Variants in TIMELESS observed in about 807,000 individuals in gnomAD.
The protein encoded by TIMELESS is timeless circadian regulator, also known as protein timeless homolog.
A neutral mutation model predicts 164.3 loss-of-function variants in TIMELESS; 124 were observed. The observed-to-expected ratio is 0.75, with a 90% CI of 0.65 to 0.88. TIMELESS has a LOEUF of 0.88. Among genes scored for constraint, TIMELESS ranks in the 40% least tolerant of loss-of-function variants. The pLI is 0.00. For synonymous variants in TIMELESS, 564 were observed against 563.4 expected (o/e 1.00, Z -0.02); for missense variants, 1,422 against 1,491.4 (o/e 0.95, Z 0.77).
rs1203173297 is a variant in TIMELESS at position 56,430,278 on chromosome 12, G to A, written c.913C>T (p.Arg305Ter). 3.1e-6 allele frequency: 5 copies of A among 1,611,888 alleles called. No homozygotes were observed. Among genetic ancestry groups the A allele is most frequent in the Non-Finnish European group, 3.4e-6 (4 of 1,178,974 alleles). The change falls in exon 10 of 29, where the codon CGA becomes TGA. Residue 305 changes from arginine to a stop codon, truncating the protein, a stop_gained. Transcript: ENST00000553532. LOFTEE classifies it high-confidence loss of function. ...LIFHKGLHNL[R>*]NYSSDLGKQP... ...TTTCCCAAATCTGAACTGTAGTTTC[G>A]TAGCTGGGTGTGTCGGTTGGGGGAT...
At chr12:56,426,385 C>CT (rs35546587) in intron 13 of TIMELESS, among the ~76,000 whole-genome samples, 66,963 of 137,104 alleles carry the variant, frequency 0.49, 16,447 homozygotes, top group Non-Finnish European at 0.55. Context: ...GGTACAAAAT[C>CT]TTTTTTTTTT....
Position 56,422,871 on chromosome 12 carries a change from T to G in TIMELESS, c.2414A>C (p.Glu805Ala). The change falls in exon 19 of 29, where the codon GAG (glutamate) becomes GCG (alanine). Residue 805 changes from glutamate to alanine, a missense_variant. Coordinates refer to ENST00000553532, the MANE Select transcript of TIMELESS (RefSeq NM_003920.5). ...CCTGTCATCCAGGGAGCCATAGCCC[T>G]CAGTCATCTCTCGAACCACAGCTGT... Reference protein sequence around the residue: ...KNTAVVREMTEGYGSLDDRSS... With the variant: ...KNTAVVREMTAGYGSLDDRSS... The G allele has an allele frequency of 7.2e-7, 1 of 1,392,044 alleles. No individual in the cohort carries two copies. Among genetic ancestry groups the G allele is most frequent in the Non-Finnish European group, 9.6e-7 (1 of 1,040,360 alleles). The allele number at this position is 1,392,044 out of a possible 1,614,324, so 86.2% of individuals were successfully genotyped here. A position where few individuals can be genotyped will look rare whatever the true frequency, so the allele number is the denominator to read the frequency against.
intron 2 of TIMELESS, 60 bp downstream of exon 2, chr12:56,434,013 AT>A: frequency 1.2e-6 from 2 of 1,611,194 alleles, no homozygotes; most frequent in Non-Finnish European, 8.5e-7. Context: ...GGTTTGAGGA[AT>A]TCAACAGACC....
intron 1 of TIMELESS, among the ~76,000 whole-genome samples, chr12:56,447,191 T>A (rs78549728): frequency 6.9e-6 from 1 of 143,902 alleles, no homozygotes; most frequent in East Asian, 2.0e-4. Flanking sequence ...TGTTTTTTTT[T>A]TTTTTTTTTT....
In TIMELESS at chr12:56,428,948, C is replaced by G. The variant is rs769162370; in HGVS notation, c.1239G>C (p.Gln413His). 1 of 1,613,978 alleles carries G rather than the reference C, an allele frequency of 6.2e-7. No individual in the cohort carries two copies. Among genetic ancestry groups the G allele is most frequent in the African/African-American group, 1.3e-5 (1 of 74,914 alleles). Residue 413 changes from glutamine (Q) to histidine (H), a missense_variant, in exon 11 of 29, where the codon CAG becomes CAC. Physicochemically the swap from Gln to His is conservative, Grantham distance 24 (BLOSUM62 0). Coordinates refer to ENST00000553532, the MANE Select transcript of TIMELESS (RefSeq NM_003920.5). ...TCATCTCATAGTAGTTGGTGAGGTT[C>G]TGCTCAATGAAGTGGAAGGTACGGA... ...LSVRTFHFIE[Q>H]NLTNYYEMML...
chr12:56,432,974 A>AAAG lies in TIMELESS; in HGVS notation c.531+51_531+52insCTT, dbSNP rs142212258. On this transcript the variant is annotated intron_variant, in intron 6 of 28. Transcript: ENST00000553532. ...GTCTCAAAAAAAAAAAAAAAAAAAA[A>AAAG]GGCAGCTCAACCTAACCATGCACAA... 8.6e-3 allele frequency: 8,075 copies of AAAG among 939,400 alleles called. 84 individuals are homozygous for AAAG. Among genetic ancestry groups the AAAG allele is most frequent in the Middle Eastern group, 0.011 (46 of 4,290 alleles). 58.2% of individuals were successfully genotyped at this position (939,400 alleles called of 1,614,324 possible). A position where few individuals can be genotyped will look rare whatever the true frequency, so the allele number is the denominator to read the frequency against.
Position 56,434,244 on chromosome 12 carries a change from A to G in TIMELESS, c.-61-13T>C. 2.4e-6 allele frequency: 3 copies of G among 1,242,594 alleles called. No individual in the cohort carries two copies. The highest frequency in any genetic ancestry group is 3.5e-5 in the Admixed American group (2 of 56,436). The allele number at this position is 1,242,594 out of a possible 1,614,324, so 77.0% of individuals were successfully genotyped here. On this transcript the variant is annotated splice_polypyrimidine_tract_variant and intron_variant, in intron 1 of 28. Transcript: ENST00000553532. ...GAAATGATGAGGCCTGGAGAAATAG[A>G]GAAAGATAAAAAATGTAAGTTCCTC...
intron 1 of TIMELESS, among the ~76,000 whole-genome samples, chr12:56,444,615 C>T (rs900526782): frequency 2.6e-5 from 4 of 151,448 alleles, no homozygotes; most frequent in Non-Finnish European, 5.9e-5. Flanking sequence ...GGTGCGATCT[C>T]GGCTCACTGC....
chr12:56,447,350 ACGT>A (rs1868374210), intron 1 of TIMELESS, among the ~76,000 whole-genome samples: 1 of 151,974 alleles, frequency 6.6e-6, no homozygotes, highest in Admixed American at 6.6e-5. Flanking sequence ...CTGCACGAAA[ACGT>A]AAACTCTTTC....
At chr12:56,438,517 A>T (rs1277505400) in intron 1 of TIMELESS, among the ~76,000 whole-genome samples, 1 of 151,048 alleles carries the variant, frequency 6.6e-6, no homozygotes, top group African/African-American at 2.4e-5. Context: ...CACGCCTGAA[A>T]TCCCAGTACT....
rs201617495 is a variant in TIMELESS, at chr12:56,432,574, C to T, written c.532-50G>A. 6.9e-6 allele frequency: 11 copies of T among 1,591,576 alleles called. No homozygotes were observed. The Admixed American group carries it at 1.2e-4, about 17-fold the overall frequency. ...AAAGGAAGCTCATTCAATCCCACTG[C>T]CCTGCCTTGAAGCTCTCCAACTCAT... On this transcript the variant is annotated intron_variant, in intron 6 of 28. Transcript: ENST00000553532.
At chr12:56,429,905 T>A (rs528170834) in intron 10 of TIMELESS, among the ~76,000 whole-genome samples, 200 bp downstream of exon 10, 1 of 152,092 alleles carries the variant, frequency 6.6e-6, no homozygotes, top group East Asian at 1.9e-4. Flanking sequence ...AGAGCCTCTT[T>A]TGTCATGCCA....
chr12:56,430,010 C>T, intron 10 of TIMELESS, 95 bp downstream of exon 10: 1 of 1,284,028 alleles, frequency 7.8e-7, no homozygotes, highest in Non-Finnish European at 1.1e-6. Context: ...GGGGCAGCCT[C>T]CCCGAGCTCC....
intron 1 of TIMELESS, among the ~76,000 whole-genome samples, chr12:56,447,182 GTTTTTTTTTTTTTTT>G (rs144004569): frequency 9.7e-4 from 87 of 89,276 alleles, no homozygotes; most frequent in African/African-American, 2.8e-3. Context: ...GCTAATTTTT[GTTTTTTTTTTTTTTT>G]TTTTTTTTTT....
chr12:56,438,466 A>T (rs1040478977), intron 1 of TIMELESS, among the ~76,000 whole-genome samples: 7 of 152,006 alleles, frequency 4.6e-5, no homozygotes, highest in African/African-American at 1.7e-4. Flanking sequence ...CTCAAATTTG[A>T]AAGTCTATAT....
rs1036564218 is a variant in TIMELESS at position 56,420,957 on chromosome 12, C to G, written c.3040+6G>C. ...CTGAGACATCTCTCCCAGCCAAAGT[C>G]CTCACCTTCCTGATGCAGGCTTTGA... is the stretch of plus-strand genomic sequence containing the variant. On this transcript the variant is annotated splice_donor_region_variant and intron_variant, in intron 24 of 28. Transcript: ENST00000553532. The G allele has an allele frequency of 1.9e-6, 3 of 1,614,150 alleles. No individual in the cohort carries two copies. In the Admixed American group the frequency reaches 5.0e-5, roughly 27 times the overall value.
intron 23 of TIMELESS, 31 bp from the exon 24 acceptor site, chr12:56,421,165 A>C: frequency 6.2e-7 from 1 of 1,612,958 alleles, no homozygotes; most frequent in Non-Finnish European, 8.5e-7. Context: ...GGGGAATGAA[A>C]ATGAAGGCAA....
At chr12:56,419,634 T>C (rs1311362901) in intron 26 of TIMELESS, among the ~76,000 whole-genome samples, 1 of 151,914 alleles carries the variant, frequency 6.6e-6, no homozygotes, top group Non-Finnish European at 1.5e-5. Context: ...TGGCCAAGGA[T>C]GGGGATGCCA....
chr12:56,421,852 A>G, intron 21 of TIMELESS, 43 bp from the exon 22 acceptor site: 1 of 1,613,468 alleles, frequency 6.2e-7, no homozygotes, highest in East Asian at 2.2e-5. Flanking sequence ...CCAGGAAGTG[A>G]TCACGAGTCC....
Sources: allele counts gnomAD v4.1 joint callset (sites outside exome capture counted in the v4.1 genomes callset), GRCh38; gene constraint gnomAD v4.1.1; transcripts MANE v1.5; gene names NCBI Gene and HGNC (gene_info 2026-07-23, HGNC 2026-07-21).